The following HELQ variants were observed in gnomAD, a reference collection of about 807,000 sequenced individuals.
HELQ encodes helicase POLQ-like.
A neutral mutation model predicts 111.6 loss-of-function variants in HELQ; 77 were observed. That is an observed-to-expected ratio of 0.69 (90% CI 0.57 to 0.83). The LOEUF (loss-of-function observed/expected upper bound fraction) is 0.83, where lower values mean the gene tolerates loss of function less well. HELQ is among the 40% of genes least tolerant of loss of function. The probability of loss-of-function intolerance (pLI) is 0.00; values close to 1 mark genes in which losing one functional copy is unlikely to be tolerated. For missense variants in HELQ, 1,200 were observed against 1,288.5 expected, an observed-to-expected ratio of 0.93 and a Z score of 1.05; for synonymous variants, 438 against 454.7, an observed-to-expected ratio of 0.96 and a Z score of 0.47.
intron 14 of HELQ, 93 bp from the exon 15 acceptor site, chr4:83,421,829 C>T: frequency 1.1e-6 from 1 of 893,254 alleles, no homozygotes. Flanking sequence ...AGTTGTATTA[C>T]AGAATAGCAA....
chr4:83,424,646 C>A (rs541768386), intron 14 of HELQ, among the ~76,000 whole-genome samples: 1 of 152,216 alleles, frequency 6.6e-6, no homozygotes, highest in African/African-American at 2.4e-5. Flanking sequence ...GCAACCTCTG[C>A]CTCCCAGATC....
chr4:83,421,617 T>C lies in HELQ; in HGVS notation c.2895A>G (p.Gln965=). 9 of 1,613,660 alleles carry C rather than the reference T, an allele frequency of 5.6e-6. No individual in the cohort carries two copies. The highest frequency in any genetic ancestry group is 6.8e-6 in the Non-Finnish European group (8 of 1,179,726). ...ATGAGGCAGTTCCAGTGAGAAGATT[T>C]TGTATATATCCTCGAGGCATATTAA... is the stretch of plus-strand genomic sequence containing the variant. ...EKFNMPRGYI[Q]NLLTGTASFS... is the part of the protein sequence containing the mutation. Residue 965 remains glutamine (Q), a synonymous_variant, in exon 15 of 18, where the codon CAA becomes CAG. Transcript: ENST00000295488.
At chr4:83,421,768 C>A (rs1331708460) in intron 14 of HELQ, 32 bp from the exon 15 acceptor site, 1 of 1,540,654 alleles carries the variant, frequency 6.5e-7, no homozygotes, top group East Asian at 2.3e-5. Context: ...AATTCGTTTA[C>A]TAGACCTGCT....
In HELQ at chr4:83,418,133, G is replaced by T. The variant is rs1356660935; in HGVS notation, c.3023C>A (p.Ala1008Glu). Residue 1008 changes from alanine (A) to glutamate (E), a missense_variant, in exon 16 of 18, where the codon GCA becomes GAA. Coordinates refer to ENST00000295488, the MANE Select transcript of HELQ (RefSeq NM_133636.5). ...AACTTCCATGAGAGGGATTAATTCT[G>T]CCTTTACACAGTAAGTCAGCTTCTT... Reference protein sequence around the residue: ...LTKKLTYCVKAELIPLMEVTG... With the variant: ...LTKKLTYCVKEELIPLMEVTG... 4 of 1,609,840 alleles carry T rather than the reference G, an allele frequency of 2.5e-6. No individual in the cohort carries two copies. The highest frequency in any genetic ancestry group is 3.4e-6 in the Non-Finnish European group (4 of 1,177,746).
chr4:83,438,284 G>T (rs373711381), intron 8 of HELQ, among the ~76,000 whole-genome samples: 3 of 152,114 alleles, frequency 2.0e-5, no homozygotes, highest in East Asian at 3.8e-4. Context: ...GGACAAACAG[G>T]TGTATAAAAA....
chr4:83,408,063 A>C (rs1738881411), intron 17 of HELQ, among the ~76,000 whole-genome samples: 1 of 152,200 alleles, frequency 6.6e-6, no homozygotes, highest in Non-Finnish European at 1.5e-5. Context: ...GTATTTCCAA[A>C]CATGGCATAT....
intron 8 of HELQ, among the ~76,000 whole-genome samples, chr4:83,439,050 C>T (rs1720620286): frequency 6.6e-6 from 1 of 151,930 alleles, no homozygotes; most frequent in South Asian, 2.1e-4. Flanking sequence ...TACATATAGT[C>T]TTAGGGTTTT....
Position 83,436,890 on chromosome 4 carries a change from G to A in HELQ, c.2016C>T (p.Thr672=), listed in dbSNP as rs1720487751. The change falls in exon 9 of 18, where the codon ACC becomes ACT. Residue 672 remains threonine, a synonymous_variant. Transcript: ENST00000295488. Reference sequence around the variant, plus strand: ...CTGGTAGGTTGACACCTGCCGCTAGGGTAGATGTGCAGGTAAAAAGACAGA... The same window carrying A: ...CTGGTAGGTTGACACCTGCCGCTAGAGTAGATGTGCAGGTAAAAAGACAGA... ...GVLCLFTCTS[T]LAAGVNLPAR... The A allele has an allele frequency of 2.5e-6, 4 of 1,614,118 alleles. No homozygotes were observed. The highest frequency in any genetic ancestry group is 3.4e-6 in the Non-Finnish European group (4 of 1,180,008).
rs546798851 is a variant in HELQ, at chr4:83,455,604, G to C, written c.90C>G (p.Thr30=). The C allele has an allele frequency of 6.2e-7, 1 of 1,614,072 alleles. No homozygotes were observed. The highest frequency in any genetic ancestry group is 8.5e-7 in the Non-Finnish European group (1 of 1,180,026). The change falls in exon 1 of 18, where the codon ACC becomes ACG. Residue 30 remains threonine, a synonymous_variant. Transcript: ENST00000295488. The part of the protein sequence containing the change: ...PSLGCIFGAP[T]AAELVPGDEG... ...CATCTCCGGGCACGAGCTCGGCCGC[G>C]GTGGGAGCGCCAAAAATACACCCCA...
chr4:83,454,008 A>C (rs1721567598), intron 1 of HELQ, 63 bp from the exon 2 acceptor site: 1 of 1,023,968 alleles, frequency 9.8e-7, no homozygotes, highest in African/African-American at 1.6e-5. Flanking sequence ...AAGCTTCACC[A>C]GCCTGGCCAA....
chr4:83,435,700 CTAAA>C (rs1425830308), intron 9 of HELQ, among the ~76,000 whole-genome samples: 2 of 151,948 alleles, frequency 1.3e-5, no homozygotes, highest in African/African-American at 4.8e-5. Context: ...AAATCTGGCA[CTAAA>C]ATTCTAAGTA....
chr4:83,439,882 T>G lies in HELQ; in HGVS notation c.1789A>C (p.Ile597Leu), dbSNP rs1455210595. ...KKNCENVAEM[I>L]CKFLSKEYLK... is the part of the protein sequence containing the mutation. ...ACATACTTGCTTAAAAATTTGCATA[T>G]CATTTCTGCTACATTTTCACAGTTC... is the stretch of plus-strand genomic sequence containing the variant. The change falls in exon 8 of 18, where the codon ATA (isoleucine) becomes CTA (leucine). Residue 597 changes from isoleucine to leucine, a missense_variant. This residue lies in a region of HELQ where 585 missense variants were observed against 665.3 expected (regional missense o/e 0.88). Coordinates refer to ENST00000295488, the MANE Select transcript of HELQ (RefSeq NM_133636.5). 2 of 1,587,766 alleles carry G rather than the reference T, an allele frequency of 1.3e-6. No individual in the cohort carries two copies.
chr4:83,411,597 C>T (rs1204670031), intron 17 of HELQ, among the ~76,000 whole-genome samples: 1 of 148,920 alleles, frequency 6.7e-6, no homozygotes, highest in East Asian at 1.9e-4. Context: ...GAGTCAGACC[C>T]TGTCTCAAAA....
rs1483291439 is a variant in HELQ at position 83,455,431 on chromosome 4, C to G, written c.263G>C (p.Arg88Pro). 6.2e-7 allele frequency: 1 copy of G among 1,614,058 alleles called. No homozygotes were observed. Among genetic ancestry groups the G allele is most frequent in the Non-Finnish European group, 8.5e-7 (1 of 1,179,960 alleles). Residue 88 changes from arginine (R) to proline (P), a missense_variant, in exon 1 of 18, where the codon CGT becomes CCT. Coordinates refer to ENST00000295488, the MANE Select transcript of HELQ (RefSeq NM_133636.5). ...CACCCCTCTGTCAGTGGGCATGTGACGTAGGAGGTCCGGGTTTGTATCACC... is the reference window on the plus strand; with the variant it reads ...CACCCCTCTGTCAGTGGGCATGTGAGGTAGGAGGTCCGGGTTTGTATCACC... ...GGGDTNPDLL[R>P]HMPTDRGVGD...
intron 6 of HELQ, 21 bp downstream of exon 6, chr4:83,443,496 G>C: frequency 8.8e-7 from 1 of 1,136,914 alleles, no homozygotes; most frequent in South Asian, 1.4e-5. Flanking sequence ...AATCAATACA[G>C]TGCAAACCTT....
intron 12 of HELQ, 65 bp from the exon 13 acceptor site, chr4:83,427,785 A>T: frequency 8.4e-7 from 1 of 1,195,718 alleles, no homozygotes; most frequent in South Asian, 1.9e-5. Context: ...ATGGCTTTAA[A>T]TATTGTGTAG....
chr4:83,409,788 G>T (rs1283152693), intron 17 of HELQ, among the ~76,000 whole-genome samples: 1 of 151,934 alleles, frequency 6.6e-6, no homozygotes, highest in Admixed American at 6.6e-5. Flanking sequence ...TGATACAAAA[G>T]TTGACTGAGC....
chr4:83,427,170 CT>C (rs896285200), intron 13 of HELQ, among the ~76,000 whole-genome samples: 4 of 151,924 alleles, frequency 2.6e-5, no homozygotes, highest in Non-Finnish European at 4.4e-5. Flanking sequence ...CACGGATAAT[CT>C]TTTTTTCTTT....
chr4:83,455,814 G>A lies in HELQ; in HGVS notation c.-121C>T. 1.9e-6 allele frequency: 2 copies of A among 1,026,208 alleles called. No individual in the cohort carries two copies. The highest frequency in any genetic ancestry group is 2.9e-6 in the Non-Finnish European group (2 of 695,506). 63.6% of individuals were successfully genotyped at this position (1,026,208 alleles called of 1,614,324 possible). On this transcript the variant is annotated 5_prime_UTR_variant, in exon 1 of 18. Coordinates refer to ENST00000295488, the MANE Select transcript of HELQ (RefSeq NM_133636.5). ...CATCCACCTTGGGAAAAGACCCCAAGTTAGCTCTCAGGGCTCGCGGACCGG... is the reference window on the plus strand; with the variant it reads ...CATCCACCTTGGGAAAAGACCCCAAATTAGCTCTCAGGGCTCGCGGACCGG...
Sources: allele counts gnomAD v4.1 joint callset (sites outside exome capture counted in the v4.1 genomes callset), GRCh38; gene constraint gnomAD v4.1.1; regional missense constraint gnomAD v4.1.1; transcripts MANE v1.5; gene names NCBI Gene and HGNC (gene_info 2026-07-23, HGNC 2026-07-21).